The following SYNE2 variants were observed in gnomAD, a reference collection of about 807,000 sequenced individuals.
SYNE2 encodes nesprin-2.
SYNE2 carries 431 observed loss-of-function variants against 856.3 expected under a neutral mutation model. The ratio of observed to expected loss-of-function variants is 0.50; its 90% CI spans 0.47 to 0.55. The LOEUF (loss-of-function observed/expected upper bound fraction) is 0.55, where lower values mean the gene tolerates loss of function less well. Among genes scored for constraint, SYNE2 ranks in the 20% least tolerant of loss-of-function variants. The pLI is 0.00. For missense variants in SYNE2, 8,129 were observed against 8,023.2 expected (o/e 1.01, Z -0.50); for synonymous variants, 2,923 against 2,872.3 (o/e 1.02, Z -0.56).
chr14:63,894,020 A>T (rs11621936), intron 1 of SYNE2, among the ~76,000 whole-genome samples: 29 of 152,156 alleles, frequency 1.9e-4, no homozygotes, highest in African/African-American at 7.0e-4. Context: ...TTCTTTGGGG[A>T]AAAAGGCCAG....
chr14:63,770,202 A>C (rs1040844861), intron 1 of SYNE2, among the ~76,000 whole-genome samples: 6 of 152,166 alleles, frequency 3.9e-5, no homozygotes, highest in Non-Finnish European at 5.9e-5. Context: ...TGGAAAAACA[A>C]AATTAAAATA....
chr14:64,207,303 G>C (rs889498790), intron 100 of SYNE2, among the ~76,000 whole-genome samples: 1 of 152,150 alleles, frequency 6.6e-6, no homozygotes, highest in Non-Finnish European at 1.5e-5. Flanking sequence ...GGCTGGGCGT[G>C]GTGGCTCACC....
At position 64,209,741 on chromosome 14, in the gene SYNE2, A is replaced by G. The variant is rs954478530; in HGVS notation, c.18540+163A>G. Reference sequence around the variant, plus strand: ...AGCTGCTGAGACAGCTTTGCAAGACATTGCTGATGTACTCCAGCTGCTATG... The same window carrying G: ...AGCTGCTGAGACAGCTTTGCAAGACGTTGCTGATGTACTCCAGCTGCTATG... On this transcript the variant is annotated intron_variant, in intron 102 of 115. Coordinates refer to ENST00000555002, the MANE Select transcript of SYNE2 (RefSeq NM_182914.3). 225 of 1,172,248 alleles carry G rather than the reference A, an allele frequency of 1.9e-4. No homozygotes were observed. The Middle Eastern group carries it at 2.1e-3, about 11-fold the overall frequency. The allele number at this position is 1,172,248 out of a possible 1,614,324, so 72.6% of individuals were successfully genotyped here.
chr14:64,078,835 G>A (rs1408350230), intron 55 of SYNE2, among the ~76,000 whole-genome samples: 1 of 152,210 alleles, frequency 6.6e-6, no homozygotes, highest in African/African-American at 2.4e-5. Context: ...ACTTTGGGAG[G>A]CCAAGGTGGG....
At chr14:64,076,903 A>G (rs1379283932) in intron 54 of SYNE2, among the ~76,000 whole-genome samples, 3 of 152,130 alleles carry the variant, frequency 2.0e-5, no homozygotes, top group Admixed American at 6.5e-5. Flanking sequence ...TAAACTCTTA[A>G]CGTATATTTA....
Position 64,120,939 on chromosome 14 carries a change from C to G in SYNE2, c.13036C>G (p.Leu4346Val), listed in dbSNP as rs761572465. The change falls in exon 68 of 116, where the codon CTA (leucine) becomes GTA (valine). Residue 4346 changes from leucine to valine, a missense_variant. Coordinates refer to ENST00000555002, the MANE Select transcript of SYNE2 (RefSeq NM_182914.3). ...AAATGTTTTGCAGCATCCTACCATT[C>G]TAAAGAAATCCTCAGAGCCAGAGCA... ...KHSEDQHPTI[L>V]KKSSEPEHQE... 9.3e-6 allele frequency: 15 copies of G among 1,613,960 alleles called. No homozygotes were observed. In the African/African-American group the frequency reaches 2.0e-4, roughly 22 times the overall value.
In SYNE2 at chr14:64,152,427, A is replaced by G. The variant is rs2098251651; in HGVS notation, c.15640-137A>G. 6.0e-6 allele frequency: 5 copies of G among 833,382 alleles called. No homozygotes were observed. In the East Asian group the frequency reaches 1.1e-4, roughly 18 times the overall value. The allele number at this position is 833,382 out of a possible 1,614,324, so 51.6% of individuals were successfully genotyped here. A position where few individuals can be genotyped will look rare whatever the true frequency, so the allele number is the denominator to read the frequency against. Reference sequence around the variant, plus strand: ...TTGAACTAAGAGTATTATGATTTAAATTTCTTTGATGTAATGCTATTTAAT... The same window carrying G: ...TTGAACTAAGAGTATTATGATTTAAGTTTCTTTGATGTAATGCTATTTAAT... On this transcript the variant is annotated intron_variant, in intron 84 of 115. Transcript: ENST00000555002.
rs1187451014 is a variant in SYNE2 at position 63,801,446 on chromosome 14, C to T, written c.-305+39460C>T. Among the ~76,000 whole-genome samples the T allele has an allele frequency of 2.0e-5, 3 of 151,964 alleles. No individual in the cohort carries two copies. In the East Asian group the frequency reaches 5.8e-4, roughly 29 times the overall value. Reference sequence around the variant, plus strand: ...CAGCACTTCAGAAGGCTGAGGCAGGCAGATCACCTGAGGTCGGGAGTTCGA... The same window carrying T: ...CAGCACTTCAGAAGGCTGAGGCAGGTAGATCACCTGAGGTCGGGAGTTCGA... On this transcript the variant is annotated intron_variant, in intron 1 of 23. Transcript: ENST00000674003.
chr14:63,784,423 G>A (rs1322875652), intron 1 of SYNE2, among the ~76,000 whole-genome samples: 1 of 152,132 alleles, frequency 6.6e-6, no homozygotes, highest in Non-Finnish European at 1.5e-5. Context: ...CTTGAACCTG[G>A]GAGGTAGAGG....
intron 1 of SYNE2, among the ~76,000 whole-genome samples, chr14:63,892,697 T>C (rs2095160888): frequency 6.6e-6 from 1 of 151,238 alleles, no homozygotes; most frequent in Non-Finnish European, 1.5e-5. Flanking sequence ...TTTATTTGTG[T>C]GTGTGTAAAA....
At position 64,053,302 on chromosome 14, in the gene SYNE2, A is replaced by G. The variant is rs11847087; in HGVS notation, c.9389A>G (p.Asn3130Ser). The G allele has an allele frequency of 0.043, 68,735 of 1,608,316 alleles. 2,162 individuals carry two copies. Among genetic ancestry groups the G allele is most frequent in the African/African-American group, 0.16 (11,720 of 74,538 alleles). ...CAAATAAAGCTGAATGCAGAAGAAAATGATAAGTTATACAAAGTTCTCCAA... is the reference window on the plus strand; with the variant it reads ...CAAATAAAGCTGAATGCAGAAGAAAGTGATAAGTTATACAAAGTTCTCCAA... Reference protein sequence around the residue: ...ILQIKLNAEENDKLYKVLQNM... With the variant: ...ILQIKLNAEESDKLYKVLQNM... The change falls in exon 48 of 116, where the codon AAT becomes AGT. Residue 3130 changes from asparagine (N) to serine (S), a missense_variant. Physicochemically the swap from Asn to Ser is conservative, Grantham distance 46. This residue lies in a region of SYNE2 where 5,410 missense variants were observed against 5,284.8 expected (regional missense o/e 1.02). Transcript: ENST00000555002.
intron 1 of SYNE2, among the ~76,000 whole-genome samples, chr14:63,872,853 C>G (rs2094620114): frequency 6.6e-6 from 1 of 151,416 alleles, no homozygotes; most frequent in Non-Finnish European, 1.5e-5. Flanking sequence ...TCTTTCCTCT[C>G]AACTGTGAGA....
chr14:64,127,534 G>C (rs568628105), intron 73 of SYNE2, among the ~76,000 whole-genome samples: 1 of 152,284 alleles, frequency 6.6e-6, no homozygotes, highest in South Asian at 2.1e-4. Context: ...AAAATGGTGG[G>C]GCGGGGGAGG....
At chr14:63,908,073 T>G (rs897342062) in intron 1 of SYNE2, among the ~76,000 whole-genome samples, 3 of 152,180 alleles carry the variant, frequency 2.0e-5, no homozygotes, top group Non-Finnish European at 4.4e-5. Flanking sequence ...CTTTGTATTT[T>G]TTGAAGTGTT....
At chr14:64,124,494 G>A (rs1416531880) in intron 70 of SYNE2, among the ~76,000 whole-genome samples, 1 of 151,292 alleles carries the variant, frequency 6.6e-6, no homozygotes, top group Non-Finnish European at 1.5e-5. Flanking sequence ...AAAGTACTAG[G>A]ATTATAGGCA....
At chr14:64,166,947 A>G in intron 90 of SYNE2, 2 of 431,544 alleles carry the variant, frequency 4.6e-6, no homozygotes, top group South Asian at 2.2e-5. Flanking sequence ...AATAAAAAAT[A>G]AAAAAGCCTA....
Position 64,007,204 on chromosome 14 carries a change from A to C in SYNE2, c.4559A>C (p.Lys1520Thr). The C allele has an allele frequency of 6.2e-7, 1 of 1,614,170 alleles. No homozygotes were observed. Residue 1520 changes from lysine to threonine, a missense_variant, in exon 31 of 116, where the codon AAA (lysine) becomes ACA (threonine). Physicochemically the swap from Lys to Thr is moderately conservative, Grantham distance 78. This residue lies in a region of SYNE2 where 2,422 missense variants were observed against 2,357.4 expected (regional missense o/e 1.03). Transcript: ENST00000555002. ...QNTVVLWENTKALVTECLEQC... is the reference protein window; with the variant it reads ...QNTVVLWENTTALVTECLEQC... ...ACAGTAGTCTTGTGGGAGAATACCA[A>C]AGCCTTGGTCACCGAATGGTAAGGA...
chr14:64,092,272 C>G (rs533624520), intron 60 of SYNE2, among the ~76,000 whole-genome samples: 24 of 152,266 alleles, frequency 1.6e-4, no homozygotes, highest in African/African-American at 5.8e-4. Context: ...AGTTAGGTAT[C>G]AAACTATGCT....
At chr14:64,057,623 G>T (rs1473314390) in intron 49 of SYNE2, among the ~76,000 whole-genome samples, 2 of 152,064 alleles carry the variant, frequency 1.3e-5, no homozygotes, top group African/African-American at 2.4e-5. Flanking sequence ...GATTTCTTTT[G>T]GGTATATGCA....
Sources: allele counts gnomAD v4.1 joint callset (sites outside exome capture counted in the v4.1 genomes callset), GRCh38; gene constraint gnomAD v4.1.1; regional missense constraint gnomAD v4.1.1; transcripts MANE v1.5; gene names NCBI Gene and HGNC (gene_info 2026-07-23, HGNC 2026-07-21).